The following DNER variants were observed in gnomAD, a reference collection of about 807,000 sequenced individuals.
DNER encodes delta and Notch-like epidermal growth factor-related receptor.
In DNER, 33 loss-of-function variants were observed where a neutral mutation model predicts 78.2. The ratio of observed to expected loss-of-function variants is 0.42; its 90% CI spans 0.32 to 0.56. The LOEUF is 0.56. Among genes scored for constraint, DNER ranks in the 20% least tolerant of loss-of-function variants. The probability of loss-of-function intolerance (pLI) is 0.11; values close to 1 mark genes in which losing one functional copy is unlikely to be tolerated. For synonymous variants in DNER, 417 were observed against 384.8 expected (o/e 1.08, Z -0.98); for missense variants, 918 against 975.3 (o/e 0.94, Z 0.78).
chr2:229,391,887 T>C (rs927569163), intron 10 of DNER, among the ~76,000 whole-genome samples: 1 of 152,168 alleles, frequency 6.6e-6, no homozygotes, highest in South Asian at 2.1e-4. Flanking sequence ...AATATGTAAG[T>C]ACAGTGGGTA....
At chr2:229,676,912 G>T (rs1699309447) in intron 1 of DNER, among the ~76,000 whole-genome samples, 1 of 152,036 alleles carries the variant, frequency 6.6e-6, no homozygotes, top group Admixed American at 6.6e-5. Flanking sequence ...CTTTGATTCT[G>T]GTGGGTGGAT....
chr2:229,545,299 G>T (rs1696602994), intron 5 of DNER, among the ~76,000 whole-genome samples: 1 of 152,180 alleles, frequency 6.6e-6, no homozygotes, highest in African/African-American at 2.4e-5. Flanking sequence ...TCTAGGCCAG[G>T]TGCAGTGGCT....
intron 6 of DNER, among the ~76,000 whole-genome samples, chr2:229,506,522 T>C (rs1053165580): frequency 4.4e-4 from 13 of 29,372 alleles, no homozygotes; most frequent in Non-Finnish European, 1.4e-3. Context: ...TTTTTTTTTC[T>C]TTTTTTTTTT....
At chr2:229,452,687 G>A (rs1694487277) in intron 7 of DNER, among the ~76,000 whole-genome samples, 1 of 152,178 alleles carries the variant, frequency 6.6e-6, no homozygotes, top group African/African-American at 2.4e-5. Flanking sequence ...GAAGTGCAGT[G>A]GCATGATCTC....
chr2:229,695,379 A>G (rs533133508), intron 1 of DNER, among the ~76,000 whole-genome samples: 1 of 151,172 alleles, frequency 6.6e-6, no homozygotes, highest in Non-Finnish European at 1.5e-5. Context: ...AAGTAACTGA[A>G]CACTTAACTT....
intron 4 of DNER, among the ~76,000 whole-genome samples, chr2:229,583,280 T>C (rs1697433592): frequency 6.6e-6 from 1 of 152,198 alleles, no homozygotes; most frequent in African/African-American, 2.4e-5. Flanking sequence ...ATGCATGTAA[T>C]GCACCTGACC....
intron 4 of DNER, among the ~76,000 whole-genome samples, chr2:229,576,125 CA>C (rs1697295561): frequency 6.6e-6 from 1 of 152,114 alleles, no homozygotes; most frequent in Admixed American, 6.6e-5. Flanking sequence ...AGAACTTACT[CA>C]ATTGTGGTTT....
At chr2:229,370,325 C>T (rs1003992002) in intron 11 of DNER, among the ~76,000 whole-genome samples, 1 of 152,172 alleles carries the variant, frequency 6.6e-6, no homozygotes, top group African/African-American at 2.4e-5. Context: ...AGTTTGCATC[C>T]AGACCCTCCT....
intron 1 of DNER, among the ~76,000 whole-genome samples, chr2:229,666,480 C>T (rs139927956): frequency 1.3e-5 from 2 of 152,238 alleles, no homozygotes; most frequent in African/African-American, 4.8e-5. Flanking sequence ...GTTCTGAGTA[C>T]AAAAATTAGC....
intron 8 of DNER, among the ~76,000 whole-genome samples, chr2:229,437,642 A>G (rs1368462592): frequency 6.6e-6 from 1 of 152,240 alleles, no homozygotes; most frequent in African/African-American, 2.4e-5. Context: ...CCAATCCTCC[A>G]TGATTGACAT....
intron 7 of DNER, among the ~76,000 whole-genome samples, chr2:229,471,772 T>C (rs1157290410): frequency 6.6e-6 from 1 of 152,208 alleles, no homozygotes; most frequent in Non-Finnish European, 1.5e-5. Context: ...ACACTAACTT[T>C]AAACATGTAA....
At position 229,403,201 on chromosome 2, in the gene DNER, C is replaced by G. The variant is rs188848416; in HGVS notation, c.1723+4031G>C. Among the ~76,000 whole-genome samples the G allele has an allele frequency of 1.3e-3, 194 of 152,266 alleles. 2 individuals carry two copies. The highest frequency in any genetic ancestry group is 6.2e-4 in the South Asian group (3 of 4,824). Reference sequence around the variant, plus strand: ...TGTAACTTCTGCTAAACCTCAGGTACAATGAAAGAGTATTTGATTCCAAGG... The same window carrying G: ...TGTAACTTCTGCTAAACCTCAGGTAGAATGAAAGAGTATTTGATTCCAAGG... On this transcript the variant is annotated intron_variant, in intron 10 of 12. Transcript: ENST00000341772.
chr2:229,445,095 G>A (rs1574846261), intron 8 of DNER, among the ~76,000 whole-genome samples: 1 of 152,200 alleles, frequency 6.6e-6, no homozygotes, highest in Non-Finnish European at 1.5e-5. Context: ...GCAGAGCTGG[G>A]AACAGCGTGC....
intron 9 of DNER, among the ~76,000 whole-genome samples, chr2:229,409,098 T>G (rs1326518127): frequency 6.6e-6 from 1 of 152,222 alleles, no homozygotes; most frequent in Non-Finnish European, 1.5e-5. Flanking sequence ...AAGATTAGCA[T>G]AAATCTGGTC....
At chr2:229,388,223 A>G (rs762712722) in intron 11 of DNER, 42 bp downstream of exon 11, 3 of 1,578,936 alleles carry the variant, frequency 1.9e-6, no homozygotes, top group Non-Finnish European at 2.6e-6. Flanking sequence ...AGTAACAGCT[A>G]TAAATGTTAA....
chr2:229,489,897 G>C (rs190191041), intron 6 of DNER, among the ~76,000 whole-genome samples: 7 of 152,308 alleles, frequency 4.6e-5, no homozygotes, highest in Admixed American at 4.6e-4. Flanking sequence ...TTATGATACA[G>C]AGAGAAAAGC....
chr2:229,561,455 T>C (rs1696958475), intron 4 of DNER, among the ~76,000 whole-genome samples: 1 of 152,184 alleles, frequency 6.6e-6, no homozygotes, highest in Non-Finnish European at 1.5e-5. Flanking sequence ...ACTACCTTCC[T>C]ACTTTATAAA....
At chr2:229,441,714 A>G (rs1461027261) in intron 8 of DNER, among the ~76,000 whole-genome samples, 1 of 152,206 alleles carries the variant, frequency 6.6e-6, no homozygotes, top group Non-Finnish European at 1.5e-5. Flanking sequence ...TGTATTGGAC[A>G]AAATTATAAA....
rs780456199 is a variant in DNER, at chr2:229,656,351, G to A, written c.276+57797C>T. ...TTTCTTGACCTCTCTGTACCTCAAG[G>A]TCATCTCTAAAAAGGTGAGCAGCAA... On this transcript the variant is annotated intron_variant, in intron 1 of 12. Transcript: ENST00000341772. Among the ~76,000 whole-genome samples, 168 of 152,258 alleles carry A rather than the reference G, an allele frequency of 1.1e-3. 1 individual carries two copies. The highest frequency in any genetic ancestry group is 6.8e-3 in the Middle Eastern group (2 of 294).
Sources: gnomAD v4.1 joint callset for allele counts (sites outside exome capture counted in the v4.1 genomes callset) on GRCh38, gnomAD v4.1.1 for gene constraint, MANE v1.5 for transcripts, NCBI Gene and HGNC (gene_info 2026-07-23, HGNC 2026-07-21) for gene names.